The following KBTBD8 variants were observed in gnomAD, a reference collection of about 807,000 sequenced individuals.
KBTBD8 encodes the protein kelch repeat and BTB domain containing 8, also known as kelch repeat and BTB domain-containing protein 8.
A neutral mutation model predicts 53.5 loss-of-function variants in KBTBD8; 31 were observed. The observed-to-expected ratio is 0.58, with a 90% CI of 0.44 to 0.78. The LOEUF is 0.78. Ranked by LOEUF, KBTBD8 falls within the 30% of genes least tolerant of loss-of-function variation. The pLI, the probability that KBTBD8 is intolerant of heterozygous loss-of-function variation, is 0.00. For synonymous variants in KBTBD8, 250 were observed against 247.3 expected, an observed-to-expected ratio of 1.01 and a Z score of -0.10; for missense variants, 642 against 735.8, an observed-to-expected ratio of 0.87 and a Z score of 1.48.
At chr3:67,000,903 T>C (rs1391385788) in intron 2 of KBTBD8, among the ~76,000 whole-genome samples, 1 of 151,898 alleles carries the variant, frequency 6.6e-6, no homozygotes. Context: ...TTAAGTATAC[T>C]TATTAAGTAT....
chr3:66,999,248 AGTATT>A (rs1224110058), intron 2 of KBTBD8, 57 bp downstream of exon 2: 1 of 1,305,572 alleles, frequency 7.7e-7, no homozygotes, highest in African/African-American at 1.5e-5. Context: ...TTTCCCCCTC[AGTATT>A]GTCCACTTGA....
In KBTBD8 at chr3:67,008,178, A is replaced by G; in HGVS notation, c.1599A>G (p.Lys533=). The change falls in exon 4 of 4, where the codon AAA becomes AAG. Residue 533 remains lysine (K), a synonymous_variant. Coordinates refer to ENST00000417314, the MANE Select transcript of KBTBD8 (RefSeq NM_032505.3). ...TTAAACTGGTACTTTTCCAGAACAA[A>G]CTCCATTTATTTGTTCGAGCTACTC... ...PYLKLVLFQN[K]LHLFVRATQV... The G allele has an allele frequency of 6.2e-7, 1 of 1,614,004 alleles. No homozygotes were observed. The highest frequency in any genetic ancestry group is 8.5e-7 in the Non-Finnish European group (1 of 1,179,984).
At position 67,007,956 on chromosome 3, in the gene KBTBD8, C is replaced by T. The variant is rs569609947; in HGVS notation, c.1377C>T (p.Asp459=). 6.3e-7 allele frequency: 1 copy of T among 1,589,168 alleles called. No individual in the cohort carries two copies. The highest frequency in any genetic ancestry group is 8.6e-7 in the Non-Finnish European group (1 of 1,167,106). The change falls in exon 4 of 4, where the codon GAC becomes GAT. Residue 459 remains aspartate, a synonymous_variant. Coordinates refer to ENST00000417314, the MANE Select transcript of KBTBD8 (RefSeq NM_032505.3). ...TTCTCTTCTATGAGCCTCAAAAAGA[C>T]TACTGGGGTTTCTTAACCCCCATGA... The part of the protein sequence containing the change: ...EFFLFYEPQK[D]YWGFLTPMTV...
At chr3:67,007,041 T>C (rs1011519210) in intron 3 of KBTBD8, among the ~76,000 whole-genome samples, 2 of 152,218 alleles carry the variant, frequency 1.3e-5, no homozygotes, top group African/African-American at 4.8e-5. Context: ...TTCTATCTTA[T>C]TAAAGTCATG....
At chr3:67,003,143 A>G in intron 2 of KBTBD8, 52 bp from the exon 3 acceptor site, 6 of 1,533,878 alleles carry the variant, frequency 3.9e-6, no homozygotes, top group Admixed American at 1.8e-5. Context: ...TCTTGCCACA[A>G]TAATTTTGAT....
intron 2 of KBTBD8, among the ~76,000 whole-genome samples, chr3:67,002,347 T>C (rs1242983465): frequency 1.3e-5 from 2 of 152,096 alleles, no homozygotes; most frequent in Admixed American, 1.3e-4. Flanking sequence ...AAGGAGTAGG[T>C]GGAGAATATG....
chr3:67,008,364 G>T lies in KBTBD8; in HGVS notation c.1785G>T (p.Gln595His), dbSNP rs1702088571. The change falls in exon 4 of 4, where the codon CAG becomes CAT. Residue 595 changes from glutamine to histidine, a missense_variant. Gln to His is a conservative substitution (Grantham distance 24). Transcript: ENST00000417314. ...GTGCTGTTGCTAAACTGTATCCTCA[G>T]TGTCTTCAGAAAGTACTCTAAATGA... is the stretch of plus-strand genomic sequence containing the variant. ...FECAVAKLYP[Q>H]CLQKVL 6.2e-7 allele frequency: 1 copy of T among 1,609,782 alleles called. No individual in the cohort carries two copies. Among genetic ancestry groups the T allele is most frequent in the Non-Finnish European group, 8.5e-7 (1 of 1,177,068 alleles).
Position 67,003,696 on chromosome 3 carries a change from T to C in KBTBD8, c.729T>C (p.Pro243=). The C allele has an allele frequency of 6.2e-7, 1 of 1,614,172 alleles. No individual in the cohort carries two copies. Residue 243 remains proline (P), a synonymous_variant, in exon 3 of 4, where the codon CCT becomes CCC. Transcript: ENST00000417314. ...TTTTTGCTAAATGCATACGTTTTCCTCTGATGGAAGATACCTTTATAGAGA... is the reference window on the plus strand; with the variant it reads ...TTTTTGCTAAATGCATACGTTTTCCCCTGATGGAAGATACCTTTATAGAGA... ...PEIFAKCIRF[P]LMEDTFIEKI...
chr3:67,003,380 A>G lies in KBTBD8; in HGVS notation c.413A>G (p.Gln138Arg), dbSNP rs760697040. ...SIFQIPSIQDQCAKYMISHLD... is the reference protein window; with the variant it reads ...SIFQIPSIQDRCAKYMISHLD... Reference sequence around the variant, plus strand: ...TTCCAGATTCCTTCCATCCAAGACCAATGTGCTAAGTATATGATCAGTCAT... The same window carrying G: ...TTCCAGATTCCTTCCATCCAAGACCGATGTGCTAAGTATATGATCAGTCAT... Residue 138 changes from glutamine to arginine, a missense_variant, in exon 3 of 4, where the codon CAA becomes CGA. Gln to Arg is a conservative substitution (Grantham distance 43). Transcript: ENST00000417314. The G allele has an allele frequency of 6.2e-7, 1 of 1,614,164 alleles. No homozygotes were observed. Among genetic ancestry groups the G allele is most frequent in the Non-Finnish European group, 8.5e-7 (1 of 1,180,016 alleles).
At chr3:67,002,603 A>G (rs563236047) in intron 2 of KBTBD8, among the ~76,000 whole-genome samples, 230 of 144,810 alleles carry the variant, frequency 1.6e-3, no homozygotes, top group Non-Finnish European at 3.0e-3. Context: ...TCCGGGTTCA[A>G]GCGATTCTCC....
At chr3:67,005,018 GT>G (rs932061453) in intron 3 of KBTBD8, among the ~76,000 whole-genome samples, 1 of 151,914 alleles carries the variant, frequency 6.6e-6, no homozygotes, top group African/African-American at 2.4e-5. Context: ...TTTTCTGTTT[GT>G]TTTTTTAACT....
rs1702109730 is a variant in KBTBD8 at position 67,010,713 on chromosome 3, T to TA, written c.*2329dup. 1 of 152,590 alleles carries TA rather than the reference T, an allele frequency of 6.6e-6. No individual in the cohort carries two copies. Among genetic ancestry groups the TA allele is most frequent in the Non-Finnish European group, 1.5e-5 (1 of 68,010 alleles). The allele number at this position is 152,590 out of a possible 1,614,324, so 9.5% of individuals were successfully genotyped here. On this transcript the variant is annotated 3_prime_UTR_variant, in exon 4 of 4. Coordinates refer to ENST00000417314, the MANE Select transcript of KBTBD8 (RefSeq NM_032505.3). ...TGACATGTGTGGGTTTATATTTAGA[T>TA]ATTTAAGGTGCATTTTCATAGTGTG...
Position 67,008,685 on chromosome 3 carries a change from T to G in KBTBD8, c.*300T>G, listed in dbSNP as rs559518302. 234 of 319,260 alleles carry G rather than the reference T, an allele frequency of 7.3e-4. 5 individuals carry two copies. The South Asian group carries it at 8.7e-3, about 12-fold the overall frequency. 19.8% of individuals were successfully genotyped at this position (319,260 alleles called of 1,614,324 possible). ...GAGGTACCAGATGAATCAGGACAAC[T>G]ATGCACTCTTATAAGAGCATTTAGG... On this transcript the variant is annotated 3_prime_UTR_variant, in exon 4 of 4. Transcript: ENST00000417314.
At chr3:67,000,663 T>G (rs9849949) in intron 2 of KBTBD8, among the ~76,000 whole-genome samples, 55,148 of 151,926 alleles carry the variant, frequency 0.36, 10,966 homozygotes, top group African/African-American at 0.53. Flanking sequence ...GAACAAGAGT[T>G]GGTACAGTTT....
intron 1 of KBTBD8, 129 bp downstream of exon 1, chr3:66,998,500 A>T: frequency 1.3e-6 from 1 of 750,442 alleles, no homozygotes; most frequent in Non-Finnish European, 1.9e-6. Flanking sequence ...GGTGGAGGGG[A>T]ATGAGAAGAG....
At position 66,998,851 on chromosome 3, in the gene KBTBD8, A is replaced by G. The variant is rs1426367145; in HGVS notation, c.17-130A>G. On this transcript the variant is annotated intron_variant, in intron 1 of 3. Coordinates refer to ENST00000417314, the MANE Select transcript of KBTBD8 (RefSeq NM_032505.3). The stretch of plus-strand genomic sequence containing the variant: ...CTCGCGGTCCCACGAGGTCGTGCGT[A>G]TATCCACAGACATTTGTATATATCT... 3 of 710,942 alleles carry G rather than the reference A, an allele frequency of 4.2e-6. No homozygotes were observed. In the African/African-American group the frequency reaches 5.3e-5, roughly 13 times the overall value. 44.0% of individuals were successfully genotyped at this position (710,942 alleles called of 1,614,324 possible).
rs1351030740 is a variant in KBTBD8 at position 67,003,847 on chromosome 3, G to C, written c.880G>C (p.Ala294Pro). ...ASEMIICFDAAHKHSGKKQTV... is the reference protein window; with the variant it reads ...ASEMIICFDAPHKHSGKKQTV... ...TGAAATGATCATATGTTTTGATGCTGCCCACAAACACTCAGGAAAGAAGCA... is the reference window on the plus strand; with the variant it reads ...TGAAATGATCATATGTTTTGATGCTCCCCACAAACACTCAGGAAAGAAGCA... The change falls in exon 3 of 4, where the codon GCC becomes CCC. Residue 294 changes from alanine (A) to proline (P), a missense_variant. Ala to Pro is a conservative substitution (Grantham distance 27). Transcript: ENST00000417314. The C allele has an allele frequency of 1.2e-6, 2 of 1,614,058 alleles. No homozygotes were observed.
In KBTBD8 at chr3:67,008,308, C is replaced by G; in HGVS notation, c.1729C>G (p.Arg577Gly). 4 of 1,613,630 alleles carry G rather than the reference C, an allele frequency of 2.5e-6. No individual in the cohort carries two copies. Among genetic ancestry groups the G allele is most frequent in the Non-Finnish European group, 2.5e-6 (3 of 1,180,002 alleles). The stretch of plus-strand genomic sequence containing the variant: ...GATGAAAGTGTATGAGACCCCAGAT[C>G]GGCTCTGGGACCTTGGCCGGCATTT... ...QWMKVYETPDRLWDLGRHFEC... is the reference protein window; with the variant it reads ...QWMKVYETPDGLWDLGRHFEC... The change falls in exon 4 of 4, where the codon CGG (arginine) becomes GGG (glycine). Residue 577 changes from arginine to glycine, a missense_variant. By Grantham distance (125) the Arg-to-Gly change is moderately radical. Transcript: ENST00000417314.
intron 1 of KBTBD8, among the ~76,000 whole-genome samples, chr3:66,998,746 C>T (rs972486170): frequency 1.3e-5 from 2 of 152,190 alleles, no homozygotes; most frequent in African/African-American, 4.8e-5. Context: ...GTGCCGGGCT[C>T]GCCGGGCTCC....
Sources: gnomAD v4.1 joint callset for allele counts (sites outside exome capture counted in the v4.1 genomes callset) on GRCh38, gnomAD v4.1.1 for gene constraint, MANE v1.5 for transcripts, NCBI Gene and HGNC (gene_info 2026-07-23, HGNC 2026-07-21) for gene names.